DNAH14: variants seen among roughly 807,000 people sequenced by gnomAD.
The protein encoded by DNAH14 is dynein axonemal heavy chain 14, also known as axonemal beta dynein heavy chain 14.
Under a neutral mutation model 520.9 loss-of-function variants are expected in DNAH14, and 478 were observed. The observed-to-expected ratio is 0.92, with a 90% CI of 0.85 to 0.99. The LOEUF is 0.99. Among genes scored for constraint, DNAH14 ranks in the 50% least tolerant of loss-of-function variants. The pLI, the probability that DNAH14 is intolerant of heterozygous loss-of-function variation, is 0.00. For synonymous variants in DNAH14, 1,581 were observed against 1,757.2 expected (o/e 0.90, Z 2.51); for missense variants, 4,831 against 5,234.5 (o/e 0.92, Z 2.38).
chr1:225,206,842 A>T, intron 40 of DNAH14, 126 bp from the exon 41 acceptor site: 2 of 845,466 alleles, frequency 2.4e-6, no homozygotes, highest in Non-Finnish European at 3.5e-6. Context: ...TTTGCCCTTT[A>T]ATGAATGACA....
intron 53 of DNAH14, among the ~76,000 whole-genome samples, chr1:225,276,651 C>T (rs1053818814): frequency 6.6e-6 from 1 of 151,840 alleles, no homozygotes; most frequent in African/African-American, 2.4e-5. Flanking sequence ...TAATCCTAGC[C>T]CTTTGGGAGG....
chr1:224,932,582 A>G (rs1161235190), intron 1 of DNAH14, among the ~76,000 whole-genome samples: 1 of 152,100 alleles, frequency 6.6e-6, no homozygotes, highest in Non-Finnish European at 1.5e-5. Flanking sequence ...TTAAGTCTTT[A>G]ATCCATTTTG....
At chr1:225,082,454 C>T (rs2073250343) in intron 19 of DNAH14, 95 bp from the exon 20 acceptor site, 1 of 1,038,926 alleles carries the variant, frequency 9.6e-7, no homozygotes, top group Admixed American at 3.3e-5. Flanking sequence ...TAGTTTTTAA[C>T]AAATTTTAAA....
intron 73 of DNAH14, chr1:225,357,796 G>A (rs1474019727): frequency 4.3e-6 from 3 of 702,138 alleles, no homozygotes; most frequent in African/African-American, 1.7e-5. Context: ...CTTCAGTTTT[G>A]CTTTAAATGA....
At chr1:225,313,921 TG>T (rs1266734987) in intron 60 of DNAH14, among the ~76,000 whole-genome samples, 1 of 152,226 alleles carries the variant, frequency 6.6e-6, no homozygotes, top group Admixed American at 6.5e-5. Flanking sequence ...TCTGTTGATT[TG>T]GGGTGGAGAG....
intron 41 of DNAH14, among the ~76,000 whole-genome samples, chr1:225,229,410 A>G (rs1336781863): frequency 1.3e-5 from 2 of 152,196 alleles, no homozygotes; most frequent in African/African-American, 2.4e-5. Flanking sequence ...CAACAATCCC[A>G]TTACTGGGTA....
Position 225,388,500 on chromosome 1 carries a change from A to G in DNAH14, c.13190+9A>G. On this transcript the variant is annotated intron_variant, in intron 82 of 85. Coordinates refer to ENST00000682510, the MANE Select transcript of DNAH14 (RefSeq NM_001367479.1). ...ACTGCAATACAGCGTCGGTATGGATAAAAGATGCTTTACATTTCTTCCTCA... is the reference window on the plus strand; with the variant it reads ...ACTGCAATACAGCGTCGGTATGGATGAAAGATGCTTTACATTTCTTCCTCA... 7.0e-7 allele frequency: 1 copy of G among 1,429,192 alleles called. No individual in the cohort carries two copies. Among genetic ancestry groups the G allele is most frequent in the Non-Finnish European group, 9.5e-7 (1 of 1,047,572 alleles). 88.5% of individuals were successfully genotyped at this position (1,429,192 alleles called of 1,614,324 possible). A position where few individuals can be genotyped will look rare whatever the true frequency, so the allele number is the denominator to read the frequency against.
rs1010224545 is a variant in DNAH14, at chr1:224,995,083, C to T, written c.831-7700C>T. Among the ~76,000 whole-genome samples the T allele has an allele frequency of 3.9e-5, 6 of 152,060 alleles. No homozygotes were observed. In the South Asian group the frequency reaches 8.3e-4, roughly 21 times the overall value. ...TCCTTGTACTAGGAATTGCTTTACA[C>T]GTTACCATTGTAGTCCTACAGTATT... On this transcript the variant is annotated intron_variant, in intron 8 of 85. Transcript: ENST00000682510.
rs56104945 is a variant in DNAH14 at position 225,362,574 on chromosome 1, C to CA, written c.11987+1698dup. On this transcript the variant is annotated intron_variant, in intron 75 of 85. Transcript: ENST00000682510. ...TGGGCAACTGAGGAAGACTCAGTCT[C>CA]AAAAAAAAAAAAAAATGCTCAGCAT... 2.7e-3 allele frequency among the ~76,000 whole-genome samples: 324 copies of CA among 120,916 alleles called. 7 individuals are homozygous for CA. Among genetic ancestry groups the CA allele is most frequent in the African/African-American group, 3.7e-3 (127 of 33,876 alleles). 79.3% of individuals were successfully genotyped at this position (120,916 alleles called of 152,430 possible). A position where few individuals can be genotyped will look rare whatever the true frequency, so the allele number is the denominator to read the frequency against.
At chr1:225,128,129 G>A (rs1485467960) in intron 27 of DNAH14, among the ~76,000 whole-genome samples, 1 of 152,010 alleles carries the variant, frequency 6.6e-6, no homozygotes, top group Admixed American at 6.6e-5. Context: ...GTTCTCTCTG[G>A]CTGTCCTTAA....
rs1188807356 is a variant in DNAH14, at chr1:225,303,258, A to G, written c.8734A>G (p.Ile2912Val). ...TCCTTCTATGATTAGCTCCTGCACG[A>G]TCGATTGGTATGAGAGGTGGCCAGA... ...VYPSMISSCT[I>V]DWYERWPEEA... The change falls in exon 57 of 86, where the codon ATC becomes GTC. Residue 2912 changes from isoleucine (I) to valine (V), a missense_variant. Coordinates refer to ENST00000682510, the MANE Select transcript of DNAH14 (RefSeq NM_001367479.1). The G allele has an allele frequency of 1.3e-6, 2 of 1,551,396 alleles. No homozygotes were observed. Among genetic ancestry groups the G allele is most frequent in the Non-Finnish European group, 1.7e-6 (2 of 1,146,824 alleles).
chr1:225,297,561 T>C (rs1023235613), intron 55 of DNAH14, among the ~76,000 whole-genome samples: 5 of 152,204 alleles, frequency 3.3e-5, no homozygotes, highest in Non-Finnish European at 5.9e-5. Flanking sequence ...GTGTCAGTCA[T>C]TGGGTGCATG....
intron 8 of DNAH14, among the ~76,000 whole-genome samples, chr1:224,993,015 T>A (rs1325536146): frequency 6.6e-6 from 1 of 152,162 alleles, no homozygotes; most frequent in East Asian, 1.9e-4. Context: ...TTTATTGATT[T>A]GTGTATGTTG....
chr1:225,327,329 T>C (rs998144499), intron 64 of DNAH14, among the ~76,000 whole-genome samples: 1 of 150,304 alleles, frequency 6.7e-6, no homozygotes, highest in Non-Finnish European at 1.5e-5. Context: ...GGCTAATTTA[T>C]TTTTTTTATT....
At position 225,205,957 on chromosome 1, in the gene DNAH14, AT is replaced by A; in HGVS notation, c.5978-9del. ...CATTAGTCTCAGTTACATTAAAAATATTTTTCTCTCCAGATTTTGATTGGCA... is the reference window on the plus strand; with the variant it reads ...CATTAGTCTCAGTTACATTAAAAATATTTTCTCTCCAGATTTTGATTGGCA... On this transcript the variant is annotated splice_polypyrimidine_tract_variant and intron_variant, in intron 39 of 85. Transcript: ENST00000682510. 6.5e-7 allele frequency: 1 copy of A among 1,544,536 alleles called. No individual in the cohort carries two copies.
At chr1:225,346,842 T>C (rs907062156) in intron 71 of DNAH14, among the ~76,000 whole-genome samples, 188 bp downstream of exon 71, 2 of 152,160 alleles carry the variant, frequency 1.3e-5, no homozygotes, top group African/African-American at 4.8e-5. Context: ...TTACTATGAT[T>C]ATTATAATCC....
Position 225,374,738 on chromosome 1 carries a change from G to C in DNAH14, c.12369G>C (p.Ser4123=), listed in dbSNP as rs1429744525. 3 of 1,550,834 alleles carry C rather than the reference G, an allele frequency of 1.9e-6. No homozygotes were observed. Among genetic ancestry groups the C allele is most frequent in the Non-Finnish European group, 2.6e-6 (3 of 1,146,536 alleles). Reference sequence around the variant, plus strand: ...CCCTGAGAGGACAGCCCAGCATTTCGTGGCAAGCACTGCGCTACCTGATTG... The same window carrying C: ...CCCTGAGAGGACAGCCCAGCATTTCCTGGCAAGCACTGCGCTACCTGATTG... ...ENSLRGQPSI[S]WQALRYLIGE... The change falls in exon 78 of 86, where the codon TCG becomes TCC. Residue 4123 remains serine, a synonymous_variant. Coordinates refer to ENST00000682510, the MANE Select transcript of DNAH14 (RefSeq NM_001367479.1).
chr1:225,075,967 T>C (rs962807279), intron 17 of DNAH14, among the ~76,000 whole-genome samples: 1 of 34,084 alleles, frequency 2.9e-5, no homozygotes, highest in African/African-American at 4.8e-5. Flanking sequence ...AGCTTGCTGC[T>C]ACAGCACTTA....
At chr1:225,392,241 G>C (rs1284879055) in intron 83 of DNAH14, 50 bp from the exon 84 acceptor site, 2 of 1,542,284 alleles carry the variant, frequency 1.3e-6, no homozygotes, top group African/African-American at 2.8e-5. Context: ...ACCCCAGCAG[G>C]AGGCCCTGAG....
Sources: allele counts gnomAD v4.1 joint callset (sites outside exome capture counted in the v4.1 genomes callset), GRCh38; gene constraint gnomAD v4.1.1; transcripts MANE v1.5; gene names NCBI Gene and HGNC (gene_info 2026-07-23, HGNC 2026-07-21).